The following CEMIP variants were observed in gnomAD, a reference collection of about 807,000 sequenced individuals.
CEMIP encodes the protein cell migration-inducing and hyaluronan-binding protein.
In CEMIP, 105 loss-of-function variants were observed where a neutral mutation model predicts 156.9. The ratio of observed to expected loss-of-function variants is 0.67; its 90% CI spans 0.57 to 0.79. CEMIP has a LOEUF of 0.79. Among genes scored for constraint, CEMIP ranks in the 30% least tolerant of loss-of-function variants. The pLI is 0.00. For synonymous variants in CEMIP, 676 were observed against 668.4 expected, an observed-to-expected ratio of 1.01 and a Z score of -0.17; for missense variants, 1,457 against 1,769.4, an observed-to-expected ratio of 0.82 and a Z score of 3.17.
rs763977938 is a variant in CEMIP at position 80,933,229 on chromosome 15, C to T, written c.2794-16C>T. Reference sequence around the variant, plus strand: ...TCACCTTCTAGCCCTGCCTAACTTTCCTGGGCTCTGTTTAGATTACTTCCA... The same window carrying T: ...TCACCTTCTAGCCCTGCCTAACTTTTCTGGGCTCTGTTTAGATTACTTCCA... On this transcript the variant is annotated splice_polypyrimidine_tract_variant and intron_variant, in intron 22 of 29. Transcript: ENST00000394685. 6.2e-7 allele frequency: 1 copy of T among 1,611,164 alleles called. No individual in the cohort carries two copies. Among genetic ancestry groups the T allele is most frequent in the East Asian group, 2.2e-5 (1 of 44,864 alleles).
At chr15:80,856,253 T>C (rs1224334018) in intron 1 of CEMIP, among the ~76,000 whole-genome samples, 1 of 152,222 alleles carries the variant, frequency 6.6e-6, no homozygotes, top group Non-Finnish European at 1.5e-5. Flanking sequence ...GTTTGTGTGT[T>C]TTATTTACAT....
At chr15:80,889,311 T>C (rs752068826) in intron 9 of CEMIP, among the ~76,000 whole-genome samples, 160 bp from the exon 10 acceptor site, 16 of 152,238 alleles carry the variant, frequency 1.1e-4, no homozygotes, top group Admixed American at 2.0e-4. Flanking sequence ...CATGGGAGCA[T>C]AGGCAGATTG....
intron 12 of CEMIP, among the ~76,000 whole-genome samples, chr15:80,899,616 T>C (rs953330657): frequency 6.6e-6 from 1 of 151,774 alleles, no homozygotes; most frequent in Non-Finnish European, 1.5e-5. Flanking sequence ...CCGGAGTAGC[T>C]GAAGTAGAGA....
chr15:80,864,336 A>G (rs1438084511), intron 1 of CEMIP, among the ~76,000 whole-genome samples: 1 of 152,216 alleles, frequency 6.6e-6, no homozygotes, highest in Non-Finnish European at 1.5e-5. Flanking sequence ...CAAGCTTTCA[A>G]GAAAGCACCT....
In CEMIP at chr15:80,921,109, G is replaced by A; in HGVS notation, c.2073+8G>A. On this transcript the variant is annotated splice_region_variant and intron_variant, in intron 16 of 29. Coordinates refer to ENST00000394685, the MANE Select transcript of CEMIP (RefSeq NM_001293298.2). ...GCCGCTGCAGGATCTGAGGTGAGCA[G>A]AAATATTCCTTCTTTGGCAGAAAGT... 3 of 1,613,432 alleles carry A rather than the reference G, an allele frequency of 1.9e-6. No homozygotes were observed. Among genetic ancestry groups the A allele is most frequent in the African/African-American group, 1.3e-5 (1 of 75,046 alleles).
At position 80,783,150 on chromosome 15, in the gene CEMIP, T is replaced by C. The variant is rs1895840890; in HGVS notation, c.-176+3536T>C. On this transcript the variant is annotated intron_variant, in intron 1 of 29. Transcript: ENST00000394685. ...CTCATCAGCCTCCTTTGAAGCCTGC[T>C]GCTTAAGTGACCTCTTTTTAGTACC... Among the ~76,000 whole-genome samples the C allele has an allele frequency of 2.0e-5, 3 of 152,368 alleles. 1 individual carries two copies. The South Asian group carries it at 6.2e-4, about 32-fold the overall frequency.
At chr15:80,893,182 A>AAAT (rs1899091841) in intron 10 of CEMIP, among the ~76,000 whole-genome samples, 1 of 151,640 alleles carries the variant, frequency 6.6e-6, no homozygotes, top group South Asian at 2.1e-4. Flanking sequence ...GCTCTGTCTC[A>AAAT]AAATAAATAA....
intron 1 of CEMIP, among the ~76,000 whole-genome samples, chr15:80,841,726 A>C (rs1279386640): frequency 6.6e-6 from 1 of 152,158 alleles, no homozygotes; most frequent in Non-Finnish European, 1.5e-5. Flanking sequence ...GGCCAATGAC[A>C]AGGCTGGGAG....
intron 1 of CEMIP, among the ~76,000 whole-genome samples, chr15:80,871,140 C>T (rs559203213): frequency 1.2e-4 from 19 of 152,292 alleles, no homozygotes; most frequent in Admixed American, 2.6e-4. Context: ...TGAAAGAATT[C>T]CCAAGGAAAT....
intron 1 of CEMIP, among the ~76,000 whole-genome samples, chr15:80,817,776 A>AT (rs1436008878): frequency 2.0e-5 from 3 of 151,972 alleles, no homozygotes; most frequent in African/African-American, 7.3e-5. Context: ...TTATTCTTGG[A>AT]TGATTGTGTT....
intron 19 of CEMIP, among the ~76,000 whole-genome samples, chr15:80,926,831 G>A (rs1205651944): frequency 9.4e-6 from 1 of 106,544 alleles, no homozygotes; most frequent in Non-Finnish European, 1.8e-5. Context: ...GGGGGGGGGG[G>A]TCTTCTTTTT....
intron 10 of CEMIP, among the ~76,000 whole-genome samples, chr15:80,892,921 C>T (rs114596711): frequency 0.012 from 1,874 of 152,226 alleles, 46 homozygotes; most frequent in African/African-American, 0.043. Context: ...GACTGGTGGC[C>T]CACGCCGGTA....
Position 80,942,942 on chromosome 15 carries a change from T to A in CEMIP, c.3700-3T>A, listed in dbSNP as rs200733154. 3.7e-6 allele frequency: 6 copies of A among 1,614,042 alleles called. No homozygotes were observed. In the African/African-American group the frequency reaches 6.7e-5, roughly 18 times the overall value. On this transcript the variant is annotated splice_polypyrimidine_tract_variant and splice_region_variant and intron_variant, in intron 27 of 29. Coordinates refer to ENST00000394685, the MANE Select transcript of CEMIP (RefSeq NM_001293298.2). Reference sequence around the variant, plus strand: ...TCACACCTGGATTGCTCTGGCTCTGTAGGTGGATGGGAAGAAGTACCCCAG... The same window carrying A: ...TCACACCTGGATTGCTCTGGCTCTGAAGGTGGATGGGAAGAAGTACCCCAG...
At chr15:80,823,466 T>C (rs1226521973) in intron 1 of CEMIP, among the ~76,000 whole-genome samples, 1 of 152,028 alleles carries the variant, frequency 6.6e-6, no homozygotes, top group Admixed American at 6.5e-5. Context: ...ACCACAGAGG[T>C]CTCCTGATGT....
intron 17 of CEMIP, among the ~76,000 whole-genome samples, chr15:80,922,408 A>G (rs1472705043): frequency 1.3e-5 from 2 of 152,202 alleles, no homozygotes; most frequent in African/African-American, 4.8e-5. Context: ...ACTCATGCTG[A>G]CAGGGGGAGA....
intron 1 of CEMIP, among the ~76,000 whole-genome samples, chr15:80,796,533 G>A (rs115574664): frequency 2.3e-3 from 344 of 152,256 alleles, no homozygotes; most frequent in African/African-American, 7.9e-3. Context: ...AAGACTGTTG[G>A]TGCATGTTCC....
intron 1 of CEMIP, among the ~76,000 whole-genome samples, chr15:80,825,424 G>A (rs1469005411): frequency 2.0e-5 from 3 of 152,176 alleles, no homozygotes; most frequent in Non-Finnish European, 2.9e-5. Context: ...CTAACTTCAA[G>A]GCCCAAGCCC....
At chr15:80,897,455 A>G (rs1899280033) in intron 12 of CEMIP, 1 of 413,530 alleles carries the variant, frequency 2.4e-6, no homozygotes, top group Non-Finnish European at 4.9e-6. Flanking sequence ...TCCACAAACA[A>G]TGCAGCTGTG....
intron 1 of CEMIP, 29 bp downstream of exon 1, chr15:80,779,643 G>T (rs1895738181): frequency 6.6e-6 from 1 of 152,316 alleles, no homozygotes; most frequent in African/African-American, 2.4e-5. Flanking sequence ...GGGCGTCAGG[G>T]ATGAGCTGAC....
Sources: allele counts gnomAD v4.1 joint callset (sites outside exome capture counted in the v4.1 genomes callset), GRCh38; gene constraint gnomAD v4.1.1; transcripts MANE v1.5; gene names NCBI Gene and HGNC (gene_info 2026-07-23, HGNC 2026-07-21).